The following ACTR8 variants were observed in gnomAD, a reference collection of about 807,000 sequenced individuals.
The protein encoded by ACTR8 is actin-related protein 8.
ACTR8 carries 70 observed loss-of-function variants against 84.3 expected under a neutral mutation model. That is an observed-to-expected ratio of 0.83 (90% CI 0.68 to 1.01). The LOEUF is 1.01. Among genes scored for constraint, ACTR8 ranks in the 50% least tolerant of loss-of-function variants. The probability of loss-of-function intolerance (pLI) is 0.00; values close to 1 mark genes in which losing one functional copy is unlikely to be tolerated. For synonymous variants in ACTR8, 268 were observed against 275.2 expected (o/e 0.97, Z 0.26); for missense variants, 672 against 775.4 (o/e 0.87, Z 1.58).
chr3:53,871,146 T>C, intron 11 of ACTR8, 86 bp downstream of exon 11: 3 of 1,516,984 alleles, frequency 2.0e-6, no homozygotes, highest in Non-Finnish European at 2.7e-6. Flanking sequence ...TATGTTATAC[T>C]GCACAAGTAT....
chr3:53,862,135 G>A (rs913434109), downstream of ACTR8, among the ~76,000 whole-genome samples: 1 of 152,150 alleles, frequency 6.6e-6, no homozygotes, highest in African/African-American at 2.4e-5. Context: ...CCCAGGAAGC[G>A]ACTGCCTTTT....
the ACTR8 span, chr3:53,861,248 G>T: frequency 1.2e-4 from 18 of 151,980 alleles, no homozygotes; most frequent in African/African-American, 4.3e-4. Context: ...CACTAGTAAT[G>T]CTGGCAGTGC....
intron 8 of ACTR8, among the ~76,000 whole-genome samples, chr3:53,873,440 A>AT (rs1468615398): frequency 1.3e-5 from 2 of 152,142 alleles, no homozygotes; most frequent in Non-Finnish European, 2.9e-5. Context: ...TGTTTCCCCA[A>AT]TTTTTTAATA....
At chr3:53,877,505 T>C (rs182262800) in intron 4 of ACTR8, 118 bp from the exon 5 acceptor site, 236 of 1,323,050 alleles carry the variant, frequency 1.8e-4, no homozygotes, top group African/African-American at 1.8e-3. Flanking sequence ...GAGAGTGAAG[T>C]AGGAGTCGGT....
At chr3:53,881,318 T>C (rs1450669392) in intron 1 of ACTR8, among the ~76,000 whole-genome samples, 1 of 152,258 alleles carries the variant, frequency 6.6e-6, no homozygotes, top group Admixed American at 6.5e-5. Context: ...ACGTGAATGC[T>C]GTTTTAGTTA....
At chr3:53,876,762 G>C in intron 5 of ACTR8, 49 bp from the exon 6 acceptor site, 1 of 1,010,600 alleles carries the variant, frequency 9.9e-7, no homozygotes, top group Non-Finnish European at 1.5e-6. Context: ...GTCTAGTCAG[G>C]TCAAATTCAC....
intron 1 of ACTR8, among the ~76,000 whole-genome samples, chr3:53,881,211 G>A (rs1189221922): frequency 1.3e-5 from 2 of 152,170 alleles, no homozygotes; most frequent in Non-Finnish European, 2.9e-5. Flanking sequence ...CCCATCTACC[G>A]GTAAGGAAGC....
At position 53,873,132 on chromosome 3, in the gene ACTR8, T is replaced by C; in HGVS notation, c.1066-5A>G. On this transcript the variant is annotated splice_region_variant and splice_polypyrimidine_tract_variant and intron_variant, in intron 8 of 12. Transcript: ENST00000335754. ...GTCCTGAAGCCCAGAGATGTCCTGA[T>C]TCCAGGAAAAGATGCTGTCAGTGAA... 6.2e-7 allele frequency: 1 copy of C among 1,602,396 alleles called. No homozygotes were observed. The highest frequency in any genetic ancestry group is 1.1e-5 in the South Asian group (1 of 89,724).
intron 1 of ACTR8, 130 bp downstream of exon 1, chr3:53,881,849 T>C (rs1286297142): frequency 7.1e-7 from 1 of 1,402,796 alleles, no homozygotes; most frequent in African/African-American, 1.9e-5. Context: ...GAACGACCGC[T>C]TCCGCACTCC....
intron 1 of ACTR8, chr3:53,881,725 C>T (rs1446015576): frequency 3.4e-6 from 2 of 594,300 alleles, no homozygotes; most frequent in Non-Finnish European, 5.9e-6. Context: ...CGCACACAAC[C>T]AGACGGTGGG....
intron 2 of ACTR8, 103 bp downstream of exon 2, chr3:53,879,836 A>C: frequency 1.7e-6 from 2 of 1,191,050 alleles, no homozygotes; most frequent in East Asian, 4.8e-5. Flanking sequence ...TTTAAAACAC[A>C]GCAAAGCTAT....
chr3:53,874,226 A>T lies in ACTR8; in HGVS notation c.1050T>A (p.Phe350Leu), dbSNP rs776929762. The change falls in exon 8 of 13, where the codon TTT (phenylalanine) becomes TTA (leucine). Residue 350 changes from phenylalanine (F) to leucine (L), a missense_variant. By Grantham distance (22) the Phe-to-Leu change is conservative. Transcript: ENST00000335754. ...CTGCTCCCACCTGATCTAAATGACA[A>T]AAAGTTTCTTTAAGGTGTTGCAGAA... is the stretch of plus-strand genomic sequence containing the variant. ...CLLLQHLKETFCHLDQDISGL... is the reference protein window; with the variant it reads ...CLLLQHLKETLCHLDQDISGL... 10 of 1,613,232 alleles carry T rather than the reference A, an allele frequency of 6.2e-6. No homozygotes were observed. Among genetic ancestry groups the T allele is most frequent in the Non-Finnish European group, 5.9e-6 (7 of 1,179,788 alleles).
chr3:53,877,463 C>T, intron 4 of ACTR8, 76 bp from the exon 5 acceptor site: 1 of 1,448,768 alleles, frequency 6.9e-7, no homozygotes, highest in South Asian at 1.4e-5. Context: ...ATCCAAAAAT[C>T]TAACTAACGT....
Position 53,878,411 on chromosome 3 carries a change from T to C in ACTR8, c.351A>G (p.Ile117Met), listed in dbSNP as rs752652805. ...TACCATTGGACATCTTTTTAGACCA[T>C]ATTGCTTGATCCACCATTTTAAGGC... ...QNGLKMVDQA[I>M]WSKKMSNGTR... is the part of the protein sequence containing the mutation. The change falls in exon 3 of 13, where the codon ATA (isoleucine) becomes ATG (methionine). Residue 117 changes from isoleucine to methionine, a missense_variant. Ile to Met is a conservative substitution (Grantham distance 10). Coordinates refer to ENST00000335754, the MANE Select transcript of ACTR8 (RefSeq NM_022899.5). 1 of 1,613,554 alleles carries C rather than the reference T, an allele frequency of 6.2e-7. No homozygotes were observed. Among genetic ancestry groups the C allele is most frequent in the Non-Finnish European group, 8.5e-7 (1 of 1,179,880 alleles).
chr3:53,868,918 T>G, intron 12 of ACTR8, 56 bp from the exon 13 acceptor site: 1 of 1,567,020 alleles, frequency 6.4e-7, no homozygotes, highest in Non-Finnish European at 8.7e-7. Context: ...TACTCAATCA[T>G]TTACTTGAAT....
the ACTR8 span, chr3:53,861,370 T>C: frequency 3.3e-5 from 5 of 152,106 alleles, no homozygotes; most frequent in African/African-American, 4.8e-5. Context: ...GCAGCTGTGA[T>C]TGTTCACCAT....
chr3:53,874,015 G>T (rs188882066), intron 8 of ACTR8, among the ~76,000 whole-genome samples, 196 bp downstream of exon 8: 1 of 151,974 alleles, frequency 6.6e-6, no homozygotes, highest in South Asian at 2.1e-4. Flanking sequence ...TATTAGAGAC[G>T]GAGTTTCACC....
At position 53,871,320 on chromosome 3, in the gene ACTR8, T is replaced by C. The variant is rs763953547; in HGVS notation, c.1479A>G (p.Ala493=). The change falls in exon 11 of 13, where the codon GCA becomes GCG. Residue 493 remains alanine (A), a synonymous_variant. Transcript: ENST00000335754. The part of the protein sequence containing the change: ...AGNDSEEALT[A]LMSRKTAISL... ...AGATGGCAGTCTTCCTGGACATCAGTGCAGTGAGGGCCTCCTCGGAATCGT... is the reference window on the plus strand; with the variant it reads ...AGATGGCAGTCTTCCTGGACATCAGCGCAGTGAGGGCCTCCTCGGAATCGT... 5.0e-6 allele frequency: 8 copies of C among 1,614,132 alleles called. No individual in the cohort carries two copies. The highest frequency in any genetic ancestry group is 6.8e-6 in the Non-Finnish European group (8 of 1,180,060).
Position 53,873,090 on chromosome 3 carries a change from C to T in ACTR8, c.1103G>A (p.Arg368Gln), listed in dbSNP as rs1699913384. Reference sequence around the variant, plus strand: ...AAGCAGGGCAGGAGAATCAGGATGTCGAATCTGAAACTCATGGTCCTGAAG... The same window carrying T: ...AAGCAGGGCAGGAGAATCAGGATGTTGAATCTGAAACTCATGGTCCTGAAG... The part of the protein sequence containing the change: ...SGLQDHEFQI[R>Q]HPDSPALLYQ... The change falls in exon 9 of 13, where the codon CGA becomes CAA. Residue 368 changes from arginine to glutamine, a missense_variant. Arg to Gln is a conservative substitution (Grantham distance 43). Transcript: ENST00000335754. 2 of 1,611,444 alleles carry T rather than the reference C, an allele frequency of 1.2e-6. No individual in the cohort carries two copies. Among genetic ancestry groups the T allele is most frequent in the Non-Finnish European group, 1.7e-6 (2 of 1,178,504 alleles).
Sources: gnomAD v4.1 joint callset for allele counts (sites outside exome capture counted in the v4.1 genomes callset) on GRCh38, gnomAD v4.1.1 for gene constraint, MANE v1.5 for transcripts, NCBI Gene and HGNC (gene_info 2026-07-23, HGNC 2026-07-21) for gene names.